RPH3A: variants seen among roughly 807,000 people sequenced by gnomAD.
The protein encoded by RPH3A is rabphilin 3A, also known as rabphilin-3A.
RPH3A carries 48 observed loss-of-function variants against 102.2 expected under a neutral mutation model. The ratio of observed to expected loss-of-function variants is 0.47; its 90% CI spans 0.37 to 0.60. The LOEUF is 0.60. Among genes scored for constraint, RPH3A ranks in the 20% least tolerant of loss-of-function variants. RPH3A has a pLI of 0.00. For synonymous variants in RPH3A, 310 were observed against 324.3 expected (o/e 0.96, Z 0.47); for missense variants, 781 against 910.1 (o/e 0.86, Z 1.83).
At chr12:112,789,914 C>T (rs988879845), upstream of RPH3A, among the ~76,000 whole-genome samples, 5 of 147,886 alleles carry the variant, frequency 3.4e-5, no homozygotes, top group Admixed American at 3.4e-4. Context: ...AAAAAATTAG[C>T]AGGGTATATT....
rs2043082030 is a variant in RPH3A at position 112,890,850 on chromosome 12, A to C, written c.1622A>C (p.Gln541Pro). ...ACACTGCCTTTTCCCCCAATGCAGC[A>C]GGTGGAGCGTGTTGGTGACATCGAG... ...ARGMALYEEE[Q>P]VERVGDIEER... Residue 541 changes from glutamine (Q) to proline (P), a missense_variant and splice_region_variant, in exon 19 of 22, where the codon CAG becomes CCG. By Grantham distance (76) the Gln-to-Pro change is moderately conservative. Coordinates refer to ENST00000389385, the MANE Select transcript of RPH3A (RefSeq NM_001143854.2). The C allele has an allele frequency of 6.2e-7, 1 of 1,613,220 alleles. No individual in the cohort carries two copies. The highest frequency in any genetic ancestry group is 1.1e-5 in the South Asian group (1 of 90,900).
chr12:112,817,313 C>T (rs975665946), intron 2 of RPH3A, among the ~76,000 whole-genome samples: 1 of 152,076 alleles, frequency 6.6e-6, no homozygotes, highest in Non-Finnish European at 1.5e-5. Context: ...CTTTCTATTC[C>T]CAAAATGTTT....
intron 1 of RPH3A, among the ~76,000 whole-genome samples, chr12:112,695,342 T>A (rs1053978257): frequency 2.6e-5 from 4 of 152,198 alleles, no homozygotes; most frequent in Admixed American, 6.5e-5. Flanking sequence ...TTGGAAAGGT[T>A]AACAGTTTTG....
Position 112,709,803 on chromosome 12 carries a change from G to A in RPH3A, c.-139-82340G>A, listed in dbSNP as rs537851175. The stretch of plus-strand genomic sequence containing the variant: ...GGCGGACAACACAGCAAGCATGAAG[G>A]TTCATTTAATCCTCACAATAACACA... On this transcript the variant is annotated intron_variant, in intron 1 of 21. Transcript: ENST00000543106. Among the ~76,000 whole-genome samples, 16 of 152,192 alleles carry A rather than the reference G, an allele frequency of 1.1e-4. No individual in the cohort carries two copies. The South Asian group carries it at 3.1e-3, about 30-fold the overall frequency.
At chr12:112,602,144 T>C (rs1457279347) in intron 1 of RPH3A, among the ~76,000 whole-genome samples, 1 of 152,130 alleles carries the variant, frequency 6.6e-6, no homozygotes, top group African/African-American at 2.4e-5. Context: ...CTTCACGCCT[T>C]TCAAAATATG....
intron 1 of RPH3A, among the ~76,000 whole-genome samples, chr12:112,618,361 C>G (rs1439913353): frequency 1.3e-5 from 2 of 152,176 alleles, no homozygotes; most frequent in Admixed American, 6.5e-5. Flanking sequence ...CACAGTGCAC[C>G]AGATCCTGCT....
chr12:112,640,428 T>A (rs2039880895), intron 1 of RPH3A, among the ~76,000 whole-genome samples: 1 of 136,528 alleles, frequency 7.3e-6, no homozygotes, highest in South Asian at 2.6e-4. Context: ...CTCTAATAAC[T>A]AGGGGCTTAT....
intron 1 of RPH3A, among the ~76,000 whole-genome samples, chr12:112,786,192 G>A (rs1042471724): frequency 5.3e-5 from 8 of 152,034 alleles, no homozygotes; most frequent in African/African-American, 1.9e-4. Flanking sequence ...TGGTAACGTG[G>A]AATTGACTGA....
At chr12:112,883,218 C>T in intron 15 of RPH3A, 75 bp from the exon 16 acceptor site, 1 of 1,169,154 alleles carries the variant, frequency 8.6e-7, no homozygotes, top group Non-Finnish European at 1.3e-6. Flanking sequence ...CACCCCACGT[C>T]AGCCCAAACG....
intron 5 of RPH3A, among the ~76,000 whole-genome samples, chr12:112,849,437 A>G (rs935864851): frequency 3.0e-5 from 4 of 133,180 alleles, no homozygotes; most frequent in South Asian, 2.2e-4. Flanking sequence ...GTGTGTGTGC[A>G]TGTGTGTGTA....
intron 17 of RPH3A, among the ~76,000 whole-genome samples, chr12:112,888,468 C>T (rs1565945221): frequency 6.6e-6 from 1 of 152,234 alleles, no homozygotes; most frequent in Non-Finnish European, 1.5e-5. Flanking sequence ...CAGCAGACAG[C>T]ATAGCCTAGA....
intron 1 of RPH3A, among the ~76,000 whole-genome samples, chr12:112,726,947 C>G (rs918277357): frequency 1.3e-5 from 2 of 151,738 alleles, no homozygotes; most frequent in African/African-American, 4.8e-5. Context: ...CACTTGCACC[C>G]GGGAGGCAGA....
At chr12:112,894,999 T>C (rs2043156188) in intron 20 of RPH3A, among the ~76,000 whole-genome samples, 1 of 152,184 alleles carries the variant, frequency 6.6e-6, no homozygotes, top group Non-Finnish European at 1.5e-5. Context: ...CTTCTTTGTT[T>C]TAGCAATGAA....
intron 2 of RPH3A, among the ~76,000 whole-genome samples, chr12:112,804,891 G>T (rs2041427484): frequency 6.6e-6 from 1 of 152,166 alleles, no homozygotes; most frequent in African/African-American, 2.4e-5. Flanking sequence ...ATTCAGGAAG[G>T]CTCCTGAAGT....
intron 2 of RPH3A, among the ~76,000 whole-genome samples, chr12:112,794,224 TG>T (rs1228208390): frequency 6.6e-6 from 1 of 152,206 alleles, no homozygotes; most frequent in Non-Finnish European, 1.5e-5. Flanking sequence ...CTCCCCTTTC[TG>T]GGCCTCAGCT....
chr12:112,776,737 G>C (rs1025315659), intron 1 of RPH3A, among the ~76,000 whole-genome samples: 1 of 151,774 alleles, frequency 6.6e-6, no homozygotes, highest in Admixed American at 6.6e-5. Context: ...AGCTGGGCGT[G>C]GTGGTGGGCG....
At chr12:112,790,222 AT>A (rs1278389112), upstream of RPH3A, among the ~76,000 whole-genome samples, 1 of 151,678 alleles carries the variant, frequency 6.6e-6, no homozygotes, top group African/African-American at 2.4e-5. Flanking sequence ...ATGCCCAGCT[AT>A]TTTTTTGTAT....
chr12:112,797,942 G>A (rs1450000741), intron 2 of RPH3A, among the ~76,000 whole-genome samples: 1 of 152,140 alleles, frequency 6.6e-6, no homozygotes, highest in African/African-American at 2.4e-5. Context: ...TCCTGCCTCG[G>A]CCTACCGAAG....
chr12:112,646,144 C>A (rs1374112232), intron 1 of RPH3A, among the ~76,000 whole-genome samples: 1 of 152,076 alleles, frequency 6.6e-6, no homozygotes, highest in East Asian at 1.9e-4. Flanking sequence ...TATTTGTGTG[C>A]ACCAGGATGC....
Sources: allele counts gnomAD v4.1 joint callset (sites outside exome capture counted in the v4.1 genomes callset), GRCh38; gene constraint gnomAD v4.1.1; transcripts MANE v1.5; gene names NCBI Gene and HGNC (gene_info 2026-07-23, HGNC 2026-07-21).